Variants in PSMD14 observed in about 807,000 individuals in gnomAD.
The protein encoded by PSMD14 is proteasome 26S subunit, non-ATPase 14.
A neutral mutation model predicts 41.2 loss-of-function variants in PSMD14; 7 were observed. The observed-to-expected ratio is 0.17, with a 90% confidence interval of 0.10 to 0.32. The LOEUF (loss-of-function observed/expected upper bound fraction) is 0.32, where lower values mean the gene tolerates loss of function less well. PSMD14 is among the 10% of genes least tolerant of loss of function. The probability of loss-of-function intolerance (pLI) is 1.00; values close to 1 mark genes in which losing one functional copy is unlikely to be tolerated. For synonymous variants in PSMD14, 114 were observed against 122.3 expected, an observed-to-expected ratio of 0.93 and a Z score of 0.45; for missense variants, 139 against 375.6, an observed-to-expected ratio of 0.37 and a Z score of 5.21.
At chr2:161,323,784 A>G (rs1322410478) in intron 3 of PSMD14, among the ~76,000 whole-genome samples, 1 of 152,240 alleles carries the variant, frequency 6.6e-6, no homozygotes, top group Non-Finnish European at 1.5e-5. Context: ...TTTTATTAGT[A>G]CTATTAAAAT....
At chr2:161,316,868 G>T (rs1278350406) in intron 2 of PSMD14, among the ~76,000 whole-genome samples, 2 of 152,070 alleles carry the variant, frequency 1.3e-5, no homozygotes, top group Non-Finnish European at 2.9e-5. Flanking sequence ...CTTTCTCTCT[G>T]CTTCTTGCAT....
chr2:161,367,096 A>G (rs747206139), intron 3 of PSMD14, among the ~76,000 whole-genome samples: 4 of 152,182 alleles, frequency 2.6e-5, no homozygotes, highest in Non-Finnish European at 4.4e-5. Flanking sequence ...GCCTTAATCT[A>G]TTAATACTCA....
Position 161,308,618 on chromosome 2 carries a change from G to A in PSMD14, c.-138+14G>A, listed in dbSNP as rs1689050499. The A allele has an allele frequency of 6.6e-6, 1 of 152,502 alleles. No homozygotes were observed. The highest frequency in any genetic ancestry group is 1.9e-4 in the East Asian group (1 of 5,168). The allele number at this position is 152,502 out of a possible 1,614,324, so 9.4% of individuals were successfully genotyped here. On this transcript the variant is annotated intron_variant, in intron 1 of 11. Transcript: ENST00000409682. ...GCCCGTCTTCAGGTAAGACCCAGAA[G>A]GCAGGCCTGGGAGGTCTGGGGAGGC...
intron 7 of PSMD14, chr2:161,382,100 CAG>C (rs1291299065): frequency 6.6e-6 from 1 of 151,798 alleles, no homozygotes; most frequent in Non-Finnish European, 1.5e-5. Flanking sequence ...TGTCTGATAA[CAG>C]AAAGTGGTGT....
intron 3 of PSMD14, among the ~76,000 whole-genome samples, chr2:161,335,151 C>A (rs1682850474): frequency 6.6e-6 from 1 of 152,068 alleles, no homozygotes; most frequent in South Asian, 2.1e-4. Context: ...AAATAGGTAC[C>A]AGTATATGAC....
At chr2:161,347,436 C>T (rs1683060882) in intron 3 of PSMD14, among the ~76,000 whole-genome samples, 1 of 152,064 alleles carries the variant, frequency 6.6e-6, no homozygotes, top group African/African-American at 2.4e-5. Flanking sequence ...GAGCCCACTG[C>T]ACCTTATTTA....
intron 7 of PSMD14, among the ~76,000 whole-genome samples, chr2:161,373,120 A>G (rs1295843771): frequency 6.6e-6 from 1 of 151,830 alleles, no homozygotes; most frequent in African/African-American, 2.4e-5. Flanking sequence ...GTATTGTAAA[A>G]TATTGGAATT....
intron 1 of PSMD14, among the ~76,000 whole-genome samples, chr2:161,312,464 T>C (rs1343205834): frequency 1.3e-5 from 2 of 152,166 alleles, no homozygotes; most frequent in African/African-American, 4.8e-5. Flanking sequence ...TTATTTTAAA[T>C]CCAGCATGGA....
In PSMD14 at chr2:161,360,458, C is replaced by T. The variant is rs530321091; in HGVS notation, c.49-7020C>T. 5.5e-4 allele frequency among the ~76,000 whole-genome samples: 83 copies of T among 151,786 alleles called. 1 individual carries two copies. Among genetic ancestry groups the T allele is most frequent in the African/African-American group, 1.8e-3 (76 of 41,402 alleles). On this transcript the variant is annotated intron_variant, in intron 3 of 11. Transcript: ENST00000409682. ...GCAACCTCCACATCCCGTGTTCAAG[C>T]GATTCTCCTGCCTCAGCCTCCAAGT... is the stretch of plus-strand genomic sequence containing the variant.
In PSMD14 at chr2:161,411,263, A is replaced by G. The variant is rs763748782; in HGVS notation, c.835-39A>G. 2.8e-5 allele frequency: 40 copies of G among 1,408,456 alleles called. No individual in the cohort carries two copies. In the Admixed American group the frequency reaches 3.7e-4, roughly 13 times the overall value. The allele number at this position is 1,408,456 out of a possible 1,614,324, so 87.2% of individuals were successfully genotyped here. A position where few individuals can be genotyped will look rare whatever the true frequency, so the allele number is the denominator to read the frequency against. On this transcript the variant is annotated intron_variant, in intron 11 of 11. Transcript: ENST00000409682. The stretch of plus-strand genomic sequence containing the variant: ...TTTAAGTAATTTATCTACCAGTAAT[A>G]TGGTTCTGTTTTCTCTTTCCTCATT...
At chr2:161,354,814 A>G (rs1486190400) in intron 3 of PSMD14, among the ~76,000 whole-genome samples, 1 of 152,192 alleles carries the variant, frequency 6.6e-6, no homozygotes, top group East Asian at 1.9e-4. Flanking sequence ...TTACTTTGAT[A>G]GGGTCTCTTT....
Position 161,408,035 on chromosome 2 carries a change from T to C in PSMD14, c.772-802T>C, listed in dbSNP as rs1293076095. 3.9e-5 allele frequency: 6 copies of C among 152,080 alleles called. No individual in the cohort carries two copies. The East Asian group carries it at 1.2e-3, about 29-fold the overall frequency. The allele number at this position is 152,080 out of a possible 1,614,324, so 9.4% of individuals were successfully genotyped here. ...GTGGTAGCCAATCTAAATGTTATAA[T>C]TATTTCAGAATTACTCTGCCAGAAA... On this transcript the variant is annotated intron_variant, in intron 10 of 11. Transcript: ENST00000409682.
chr2:161,337,886 C>A (rs953476168), intron 3 of PSMD14, among the ~76,000 whole-genome samples: 1 of 151,864 alleles, frequency 6.6e-6, no homozygotes, highest in African/African-American at 2.4e-5. Context: ...TATCTGTATG[C>A]CTTTAAAAAG....
At chr2:161,401,321 A>T (rs1683875185) in intron 10 of PSMD14, among the ~76,000 whole-genome samples, 1 of 152,262 alleles carries the variant, frequency 6.6e-6, no homozygotes, top group South Asian at 2.1e-4. Context: ...AAGTTTGAGG[A>T]GAGTCAAAGT....
At position 161,353,457 on chromosome 2, in the gene PSMD14, A is replaced by G. The variant is rs562945869; in HGVS notation, c.49-14021A>G. 1.2e-3 allele frequency among the ~76,000 whole-genome samples: 180 copies of G among 152,322 alleles called. 1 individual carries two copies. Among genetic ancestry groups the G allele is most frequent in the South Asian group, 0.012 (57 of 4,828 alleles). ...TTGACTAATTAGGAATCCACGCTTTAGTTAGCTCATTTTATTGTTTAAAAA... is the reference window on the plus strand; with the variant it reads ...TTGACTAATTAGGAATCCACGCTTTGGTTAGCTCATTTTATTGTTTAAAAA... On this transcript the variant is annotated intron_variant, in intron 3 of 11. Coordinates refer to ENST00000409682, the MANE Select transcript of PSMD14 (RefSeq NM_005805.6).
chr2:161,391,578 CTTTT>C (rs1280179766), intron 9 of PSMD14, among the ~76,000 whole-genome samples: 2 of 151,764 alleles, frequency 1.3e-5, no homozygotes, highest in East Asian at 1.9e-4. Context: ...TTGTGTAGTG[CTTTT>C]TGTTTGTTTG....
At chr2:161,341,377 C>G (rs998564976) in intron 3 of PSMD14, 4 of 893,810 alleles carry the variant, frequency 4.5e-6, no homozygotes, top group Middle Eastern at 5.6e-4. Context: ...GGGATCCCGC[C>G]GCGCCCCGTC....
intron 3 of PSMD14, among the ~76,000 whole-genome samples, chr2:161,348,856 T>G (rs1338409727): frequency 6.6e-6 from 1 of 152,136 alleles, no homozygotes; most frequent in Non-Finnish European, 1.5e-5. Context: ...CATTAGACCT[T>G]TTTGTATTTC....
intron 10 of PSMD14, among the ~76,000 whole-genome samples, chr2:161,405,360 T>C (rs1007685973): frequency 8.5e-5 from 13 of 152,204 alleles, no homozygotes; most frequent in African/African-American, 3.1e-4. Flanking sequence ...CCCATCGTGC[T>C]TTGTGCACAC....
Sources: allele counts gnomAD v4.1 joint callset (sites outside exome capture counted in the v4.1 genomes callset), GRCh38; gene constraint gnomAD v4.1.1; transcripts MANE v1.5; gene names NCBI Gene and HGNC (gene_info 2026-07-23, HGNC 2026-07-21).